The following LONP1 variants were observed in gnomAD, a reference collection of about 807,000 sequenced individuals.
The protein encoded by LONP1 is lon peptidase 1, mitochondrial.
Under a neutral mutation model 98.5 loss-of-function variants are expected in LONP1, and 31 were observed. That is an observed-to-expected ratio of 0.31 (90% CI 0.24 to 0.42). The LOEUF (loss-of-function observed/expected upper bound fraction) is 0.42, where lower values mean the gene tolerates loss of function less well. LONP1 is among the 20% of genes least tolerant of loss of function. The probability of loss-of-function intolerance (pLI) is 1.00; values close to 1 mark genes in which losing one functional copy is unlikely to be tolerated. For synonymous variants in LONP1, 781 were observed against 594.7 expected (o/e 1.31, Z -4.56); for missense variants, 1,336 against 1,350.6 (o/e 0.99, Z 0.17).
At chr19:5,697,534 G>GGAAGAGGGAGGAGAT in intron 10 of LONP1, among the ~76,000 whole-genome samples, 1 of 138,068 alleles carries the variant, frequency 7.2e-6, no homozygotes, top group South Asian at 2.5e-4. Context: ...GAGGAGAGGG[G>GGAAGAGGGAGGAGAT]GAAGAGGGAG....
rs1051008811 is a variant in LONP1 at position 5,695,959 on chromosome 19, G to C, written c.2013+95C>G. 7 of 1,107,548 alleles carry C rather than the reference G, an allele frequency of 6.3e-6. No individual in the cohort carries two copies. The East Asian group carries it at 1.5e-4, about 24-fold the overall frequency. The allele number at this position is 1,107,548 out of a possible 1,614,324, so 68.6% of individuals were successfully genotyped here. A position where few individuals can be genotyped will look rare whatever the true frequency, so the allele number is the denominator to read the frequency against. On this transcript the variant is annotated intron_variant, in intron 13 of 17. Coordinates refer to ENST00000360614, the MANE Select transcript of LONP1 (RefSeq NM_004793.4). ...GCCGCAGGTCCCACCTGTCTCTCCC[G>C]GGCCCAGGAGCTCCCAGAGGCACGG...
At position 5,693,229 on chromosome 19, in the gene LONP1, G is replaced by A. The variant is rs139405858; in HGVS notation, c.2703+69C>T. Reference sequence around the variant, plus strand: ...TTGGCCCAGGCAGAGGTTGCATGGCGGGGACTGGGCCTGTCCCGTGGTGGT... The same window carrying A: ...TTGGCCCAGGCAGAGGTTGCATGGCAGGGACTGGGCCTGTCCCGTGGTGGT... On this transcript the variant is annotated intron_variant, in intron 17 of 17. Transcript: ENST00000360614. 1.2e-3 allele frequency: 1,819 copies of A among 1,526,044 alleles called. 34 individuals carry two copies. In the East Asian group the frequency reaches 0.037, roughly 31 times the overall value. The allele number at this position is 1,526,044 out of a possible 1,614,324, so 94.5% of individuals were successfully genotyped here. A position where few individuals can be genotyped will look rare whatever the true frequency, so the allele number is the denominator to read the frequency against.
intron 4 of LONP1, 53 bp from the exon 5 acceptor site, chr19:5,708,456 TG>T: frequency 1.0e-5 from 4 of 386,620 alleles, no homozygotes; most frequent in Admixed American, 6.1e-5. Flanking sequence ...CAGCAGGGGG[TG>T]GGCTGGGTGG....
rs962737476 is a variant in LONP1 at position 5,720,073 on chromosome 19, C to T, written c.60G>A (p.Arg20=). ...LWGAARCWVL[R]RPMLAAAGGR... ...CCCCGGCGGCGGCCAGCATCGGCCGCCGCAGCACCCAGCACCGCGCCGCTC... is the reference window on the plus strand; with the variant it reads ...CCCCGGCGGCGGCCAGCATCGGCCGTCGCAGCACCCAGCACCGCGCCGCTC... Residue 20 remains arginine (R), a synonymous_variant, in exon 1 of 18, where the codon CGG becomes CGA. Transcript: ENST00000360614. The T allele has an allele frequency of 1.3e-6, 2 of 1,525,466 alleles. No individual in the cohort carries two copies. The highest frequency in any genetic ancestry group is 1.8e-6 in the Non-Finnish European group (2 of 1,142,474). The allele number at this position is 1,525,466 out of a possible 1,614,324, so 94.5% of individuals were successfully genotyped here.
intron 4 of LONP1, among the ~76,000 whole-genome samples, chr19:5,710,059 T>G (rs966777225): frequency 6.6e-6 from 1 of 151,540 alleles, no homozygotes; most frequent in Non-Finnish European, 1.5e-5. Flanking sequence ...CCCAGGACAG[T>G]GTAGCCGCTG....
chr19:5,716,772 C>T lies in LONP1; in HGVS notation c.430-2501G>A, dbSNP rs73544713. ...CTCGCAGATGGAACAATGGCGAGAG[C>T]AGAGCACACCTGAACAAAGGAGGGA... On this transcript the variant is annotated intron_variant, in intron 1 of 17. Transcript: ENST00000360614. Among the ~76,000 whole-genome samples, 1,095 of 152,226 alleles carry T rather than the reference C, an allele frequency of 7.2e-3. 15 individuals carry two copies. The highest frequency in any genetic ancestry group is 0.024 in the African/African-American group (1,003 of 41,526).
chr19:5,704,638 G>C (rs2055114449), intron 8 of LONP1, among the ~76,000 whole-genome samples: 1 of 152,214 alleles, frequency 6.6e-6, no homozygotes. Context: ...TGGCCAGGTG[G>C]GTTCTGTCCT....
rs777215157 is a variant in LONP1 at position 5,692,266 on chromosome 19, T to C, written c.2704-58A>G. On this transcript the variant is annotated intron_variant, in intron 17 of 17. Coordinates refer to ENST00000360614, the MANE Select transcript of LONP1 (RefSeq NM_004793.4). The stretch of plus-strand genomic sequence containing the variant: ...GCCTGTGGGAGGGCAGCAGGTGTGC[T>C]AACCTCCAGGAACGAAAGGGCTTCC... 2.0e-6 allele frequency: 3 copies of C among 1,530,176 alleles called. No individual in the cohort carries two copies. In the South Asian group the frequency reaches 3.7e-5, roughly 19 times the overall value. The allele number at this position is 1,530,176 out of a possible 1,614,324, so 94.8% of individuals were successfully genotyped here. A position where few individuals can be genotyped will look rare whatever the true frequency, so the allele number is the denominator to read the frequency against.
At chr19:5,701,531 C>T (rs2055043673) in intron 8 of LONP1, among the ~76,000 whole-genome samples, 1 of 151,380 alleles carries the variant, frequency 6.6e-6, no homozygotes, top group Non-Finnish European at 1.5e-5. Flanking sequence ...CGGGGTTTCA[C>T]TGTGTTGGCC....
At chr19:5,697,801 T>TCC (rs1568314737) in intron 10 of LONP1, among the ~76,000 whole-genome samples, 1 of 151,734 alleles carries the variant, frequency 6.6e-6, no homozygotes, top group Non-Finnish European at 1.5e-5. Context: ...ACGCCTGCCC[T>TCC]CCCCGCAGCC....
intron 7 of LONP1, 128 bp downstream of exon 7, chr19:5,706,932 C>T (rs1461066827): frequency 1.4e-6 from 1 of 722,896 alleles, no homozygotes; most frequent in Non-Finnish European, 2.4e-6. Flanking sequence ...CCTCAAAACC[C>T]AGACAGGCCT....
At chr19:5,695,100 C>G (rs932457384) in intron 13 of LONP1, among the ~76,000 whole-genome samples, 199 bp from the exon 14 acceptor site, 13 of 152,022 alleles carry the variant, frequency 8.6e-5, no homozygotes, top group Middle Eastern at 3.2e-3. Flanking sequence ...TGTGCTGCGT[C>G]CTCTGCTTGG....
chr19:5,693,813 C>G, intron 15 of LONP1, 44 bp from the exon 16 acceptor site: 1 of 1,539,120 alleles, frequency 6.5e-7, no homozygotes, highest in East Asian at 2.3e-5. Context: ...CCTCGGAGCC[C>G]AGGCCGGTGC....
chr19:5,699,506 T>A (rs2055002918), intron 9 of LONP1, among the ~76,000 whole-genome samples: 1 of 150,716 alleles, frequency 6.6e-6, no homozygotes, highest in Non-Finnish European at 1.5e-5. Context: ...AATGCTCCAC[T>A]CTCTCCGGTC....
chr19:5,693,803 C>A, intron 15 of LONP1, 34 bp from the exon 16 acceptor site: 1 of 1,584,244 alleles, frequency 6.3e-7, no homozygotes, highest in South Asian at 1.1e-5. Flanking sequence ...ACACGGGAGG[C>A]CTCGGAGCCC....
At chr19:5,720,373 G>A (rs189210845), upstream of LONP1, 334 of 625,676 alleles carry the variant, frequency 5.3e-4, no homozygotes, top group Middle Eastern at 2.2e-3. Context: ...GCTGTGAGCA[G>A]GCGCCAGCGC....
intron 4 of LONP1, among the ~76,000 whole-genome samples, chr19:5,711,253 TG>T (rs1309406541): frequency 6.6e-6 from 1 of 152,196 alleles, no homozygotes; most frequent in Admixed American, 6.5e-5. Flanking sequence ...TTCAGGCCTT[TG>T]GTTAGCTTCG....
rs143270482 is a variant in LONP1, at chr19:5,711,954, C to T, written c.687G>A (p.Ala229=). 15 of 1,613,296 alleles carry T rather than the reference C, an allele frequency of 9.3e-6. No individual in the cohort carries two copies. The highest frequency in any genetic ancestry group is 2.2e-5 in the South Asian group (2 of 91,090). Residue 229 remains alanine (A), a synonymous_variant, in exon 4 of 18, where the codon GCG becomes GCA. Coordinates refer to ENST00000360614, the MANE Select transcript of LONP1 (RefSeq NM_004793.4). ...TCCTGCGGGGCTTGTGCTTGTTCTC[C>T]GCCTCCGGCTCCTCGGGCTCCACCT... ...QLEVEPEEPE[A]ENKHKPRRKS...
At chr19:5,718,473 G>A (rs1274909234) in intron 1 of LONP1, among the ~76,000 whole-genome samples, 1 of 142,284 alleles carries the variant, frequency 7.0e-6, no homozygotes, top group Admixed American at 7.1e-5. Flanking sequence ...GTGCAACTTG[G>A]TCTCAAAAAA....
Sources: allele counts gnomAD v4.1 joint callset (sites outside exome capture counted in the v4.1 genomes callset), GRCh38; gene constraint gnomAD v4.1.1; transcripts MANE v1.5; gene names NCBI Gene and HGNC (gene_info 2026-07-23, HGNC 2026-07-21).